Variants in GRIK2 observed in about 807,000 individuals in gnomAD.
The protein encoded by GRIK2 is glutamate receptor ionotropic, kainate 2.
GRIK2 carries 32 observed loss-of-function variants against 100.3 expected under a neutral mutation model. The observed-to-expected ratio is 0.32, with a 90% CI of 0.24 to 0.43. GRIK2 has a LOEUF of 0.43. Among genes scored for constraint, GRIK2 ranks in the 20% least tolerant of loss-of-function variants. The pLI, the probability that GRIK2 is intolerant of heterozygous loss-of-function variation, is 1.00. For synonymous variants in GRIK2, 417 were observed against 389.4 expected, an observed-to-expected ratio of 1.07 and a Z score of -0.83; for missense variants, 843 against 1,114.9, an observed-to-expected ratio of 0.76 and a Z score of 3.47.
intron 2 of GRIK2, among the ~76,000 whole-genome samples, chr6:101,462,542 T>TA (rs937974635): frequency 2.4e-4 from 36 of 152,258 alleles, no homozygotes; most frequent in South Asian, 1.4e-3. Flanking sequence ...TTATTTTTCT[T>TA]AAAAAAATTA....
chr6:101,859,905 G>A (rs1784641461), intron 11 of GRIK2, among the ~76,000 whole-genome samples: 1 of 152,150 alleles, frequency 6.6e-6, no homozygotes, highest in South Asian at 2.1e-4. Flanking sequence ...CTAAGAAAAA[G>A]GGGTGAGGAG....
At chr6:101,625,384 T>TAATAAATAAATA (rs139402781) in intron 3 of GRIK2, among the ~76,000 whole-genome samples, 82 of 147,610 alleles carry the variant, frequency 5.6e-4, no homozygotes, top group East Asian at 1.8e-3. Context: ...ACAAAATAAA[T>TAATAAATAAATA]AATAAATAAA....
chr6:102,021,826 C>G (rs13190892), intron 14 of GRIK2, among the ~76,000 whole-genome samples: 41,084 of 150,624 alleles, frequency 0.27, 5,987 homozygotes, highest in East Asian at 0.34. Flanking sequence ...GAAACTTCAC[C>G]CAGTCTAGAA....
intron 10 of GRIK2, among the ~76,000 whole-genome samples, chr6:101,845,479 C>T (rs929499535): frequency 4.6e-5 from 7 of 152,148 alleles, no homozygotes; most frequent in African/African-American, 1.7e-4. Flanking sequence ...CATGCTGTAA[C>T]ATGTATCAAT....
In GRIK2 at chr6:101,841,644, G is replaced by A. The variant is rs557613206; in HGVS notation, c.1318-17643G>A. Among the ~76,000 whole-genome samples, 217 of 152,220 alleles carry A rather than the reference G, an allele frequency of 1.4e-3. 1 individual carries two copies. Among genetic ancestry groups the A allele is most frequent in the African/African-American group, 3.7e-3 (154 of 41,538 alleles). On this transcript the variant is annotated intron_variant, in intron 10 of 16. Coordinates refer to ENST00000369134, the MANE Select transcript of GRIK2 (RefSeq NM_021956.5). The stretch of plus-strand genomic sequence containing the variant: ...CTCCCAAAGTGCTGGGATTACAAGC[G>A]TGAGCCACCCCGCCCAGCCTGCAGA...
chr6:101,747,773 A>G (rs1208132121), intron 7 of GRIK2, among the ~76,000 whole-genome samples: 1 of 152,202 alleles, frequency 6.6e-6, no homozygotes, highest in Non-Finnish European at 1.5e-5. Context: ...AAATATTGAT[A>G]AAAATAGAGG....
intron 10 of GRIK2, among the ~76,000 whole-genome samples, chr6:101,831,424 GCAC>G (rs1413341047): frequency 6.6e-6 from 1 of 152,000 alleles, no homozygotes; most frequent in Non-Finnish European, 1.5e-5. Flanking sequence ...AACCTGTGGT[GCAC>G]CATGGCTTCT....
intron 10 of GRIK2, among the ~76,000 whole-genome samples, chr6:101,842,349 CAT>C (rs1432955538): frequency 6.6e-6 from 1 of 152,146 alleles, no homozygotes; most frequent in Non-Finnish European, 1.5e-5. Context: ...TCATTCTACT[CAT>C]ACCTTTTTCT....
At chr6:101,632,852 G>T (rs1034864340) in intron 4 of GRIK2, among the ~76,000 whole-genome samples, 1 of 152,028 alleles carries the variant, frequency 6.6e-6, no homozygotes, top group Non-Finnish European at 1.5e-5. Context: ...GACATCTCAG[G>T]AGAAGAAGGG....
chr6:101,443,498 G>A (rs1005427025), intron 2 of GRIK2, among the ~76,000 whole-genome samples: 5 of 152,232 alleles, frequency 3.3e-5, no homozygotes, highest in African/African-American at 1.2e-4. Context: ...AGTGGATACA[G>A]GTTTCTGAGT....
rs191546414 is a variant in GRIK2, at chr6:101,615,808, G to A, written c.116-6141G>A. 4.2e-3 allele frequency among the ~76,000 whole-genome samples: 632 copies of A among 151,860 alleles called. 5 individuals carry two copies. The highest frequency in any genetic ancestry group is 7.2e-3 in the Non-Finnish European group (486 of 67,818). On this transcript the variant is annotated intron_variant, in intron 2 of 16. Transcript: ENST00000369134. ...AGGCTCATGAACAGGTGGAAAAAATGCTTTGCCATTCAATTTTATAATAGC... is the reference window on the plus strand; with the variant it reads ...AGGCTCATGAACAGGTGGAAAAAATACTTTGCCATTCAATTTTATAATAGC...
At chr6:101,688,064 T>C (rs1413917284) in intron 7 of GRIK2, among the ~76,000 whole-genome samples, 1 of 147,164 alleles carries the variant, frequency 6.8e-6, no homozygotes, top group Admixed American at 6.8e-5. Flanking sequence ...TTATATAATA[T>C]ATAAAAATAT....
intron 2 of GRIK2, among the ~76,000 whole-genome samples, chr6:101,600,658 A>AT (rs147045037): frequency 0.026 from 3,909 of 150,932 alleles, 166 homozygotes; most frequent in African/African-American, 0.09. Context: ...TTTTTTGTGG[A>AT]TTTTTTTTAA....
chr6:101,904,709 G>C (rs1788106639), intron 12 of GRIK2, among the ~76,000 whole-genome samples: 1 of 151,442 alleles, frequency 6.6e-6, no homozygotes, highest in African/African-American at 2.4e-5. Context: ...TTGGAAGCAA[G>C]CATATGATTA....
chr6:101,857,430 C>T (rs1425205821), intron 10 of GRIK2, among the ~76,000 whole-genome samples: 1 of 152,082 alleles, frequency 6.6e-6, no homozygotes, highest in Admixed American at 6.6e-5. Flanking sequence ...AAGGTAAGTC[C>T]ACAGAGATGG....
chr6:101,992,055 G>A (rs535762948), intron 14 of GRIK2, among the ~76,000 whole-genome samples: 1 of 151,760 alleles, frequency 6.6e-6, no homozygotes, highest in East Asian at 1.9e-4. Context: ...TTGCTGCACA[G>A]TGTATTTGCA....
rs1794731136 is a variant in GRIK2, at chr6:101,997,855, A to T, written c.2086-37486A>T. 2.0e-5 allele frequency among the ~76,000 whole-genome samples: 3 copies of T among 152,000 alleles called. No individual in the cohort carries two copies. In the South Asian group the frequency reaches 6.2e-4, roughly 31 times the overall value. On this transcript the variant is annotated intron_variant, in intron 14 of 16. Transcript: ENST00000369134. ...CTTCTTTTTCAAAATTTGCTCTTCT[A>T]TGGAAGTTTATTATGATATGTAAAC...
chr6:101,888,727 A>T (rs1294464656), intron 11 of GRIK2, among the ~76,000 whole-genome samples: 1 of 152,002 alleles, frequency 6.6e-6, no homozygotes, highest in Admixed American at 6.6e-5. Context: ...GGATAATTTC[A>T]TTTTTTTATG....
intron 10 of GRIK2, among the ~76,000 whole-genome samples, chr6:101,828,368 A>G (rs1001713532): frequency 6.6e-6 from 1 of 151,976 alleles, no homozygotes; most frequent in Non-Finnish European, 1.5e-5. Context: ...ACCTAAAGGA[A>G]CTAGAAAAAC....
Sources: gnomAD v4.1 joint callset for allele counts (sites outside exome capture counted in the v4.1 genomes callset) on GRCh38, gnomAD v4.1.1 for gene constraint, MANE v1.5 for transcripts, NCBI Gene and HGNC (gene_info 2026-07-23, HGNC 2026-07-21) for gene names.